ST18: variants seen among roughly 807,000 people sequenced by gnomAD.
The protein encoded by ST18 is suppression of tumorigenicity 18 protein.
ST18 carries 50 observed loss-of-function variants against 110.0 expected under a neutral mutation model. The ratio of observed to expected loss-of-function variants is 0.45; its 90% CI spans 0.36 to 0.58. ST18 has a LOEUF of 0.58. ST18 is among the 20% of genes least tolerant of loss of function. ST18 has a pLI of 0.00. For missense variants in ST18, 1,306 were observed against 1,280.1 expected, an observed-to-expected ratio of 1.02 and a Z score of -0.31; for synonymous variants, 461 against 452.4, an observed-to-expected ratio of 1.02 and a Z score of -0.24.
chr8:52,393,381 A>G lies in ST18; in HGVS notation c.-465+15947T>C, dbSNP rs534475892. ...TAACGCATGTGCAGCCAGCATCACC[A>G]TATAGACTCAGTCCTGAACTAGTGT... On this transcript the variant is annotated intron_variant, in intron 2 of 25. Transcript: ENST00000689386. Among the ~76,000 whole-genome samples the G allele has an allele frequency of 7.9e-5, 12 of 152,278 alleles. No individual in the cohort carries two copies. The South Asian group carries it at 2.5e-3, about 32-fold the overall frequency.
At chr8:52,345,417 GA>G (rs1443482621) in intron 2 of ST18, among the ~76,000 whole-genome samples, 4 of 152,234 alleles carry the variant, frequency 2.6e-5, no homozygotes, top group African/African-American at 9.6e-5. Context: ...TCAAGAAAAT[GA>G]AAAGCAGATG....
chr8:52,329,283 TAA>T (rs368634304), intron 2 of ST18, among the ~76,000 whole-genome samples: 57 of 128,752 alleles, frequency 4.4e-4, no homozygotes, highest in Non-Finnish European at 4.4e-4. Context: ...GGAGAAATGG[TAA>T]AAAAAAAAAA....
chr8:52,270,011 C>CT (rs1194061342), intron 2 of ST18, among the ~76,000 whole-genome samples: 1 of 150,054 alleles, frequency 6.7e-6, no homozygotes, highest in African/African-American at 2.5e-5. Flanking sequence ...ATTTTTTCCC[C>CT]CGTAACTGAT....
chr8:52,315,060 C>A (rs1166940314), intron 2 of ST18, among the ~76,000 whole-genome samples: 1 of 152,208 alleles, frequency 6.6e-6, no homozygotes, highest in Non-Finnish European at 1.5e-5. Flanking sequence ...CTTGAAGAGA[C>A]ATCAGATTTC....
chr8:52,180,059 T>A, intron 9 of ST18, 63 bp downstream of exon 9: 1 of 1,525,520 alleles, frequency 6.6e-7, no homozygotes, highest in Non-Finnish European at 9.0e-7. Context: ...ACACTCTACA[T>A]GAATTAGCAC....
intron 2 of ST18, among the ~76,000 whole-genome samples, chr8:52,354,329 C>T (rs952831593): frequency 6.6e-6 from 1 of 152,242 alleles, no homozygotes; most frequent in African/African-American, 2.4e-5. Flanking sequence ...ATGGTTGCCT[C>T]GACCGAGTAA....
At chr8:52,165,046 A>G in intron 12 of ST18, 89 bp downstream of exon 12, 1 of 1,283,294 alleles carries the variant, frequency 7.8e-7, no homozygotes, top group Admixed American at 1.7e-5. Flanking sequence ...AGCAATTTTC[A>G]TCACACATTG....
chr8:52,272,962 A>G (rs1293962985), intron 2 of ST18, among the ~76,000 whole-genome samples: 4 of 152,208 alleles, frequency 2.6e-5, no homozygotes, highest in African/African-American at 9.6e-5. Context: ...AAGCAAAATG[A>G]AATAAGCTCT....
chr8:52,358,460 C>T (rs974663370), intron 2 of ST18, among the ~76,000 whole-genome samples: 3 of 151,588 alleles, frequency 2.0e-5, no homozygotes, highest in African/African-American at 7.3e-5. Flanking sequence ...GCTAGATTGA[C>T]AAATAAGAAA....
intron 2 of ST18, among the ~76,000 whole-genome samples, chr8:52,327,094 C>A (rs1323713382): frequency 3.9e-5 from 6 of 152,206 alleles, no homozygotes; most frequent in South Asian, 4.1e-4. Context: ...AAATCACTCA[C>A]AACCAATAAA....
At chr8:52,149,464 A>C (rs1264625491) in intron 16 of ST18, among the ~76,000 whole-genome samples, 2 of 152,256 alleles carry the variant, frequency 1.3e-5, no homozygotes, top group Non-Finnish European at 2.9e-5. Flanking sequence ...TAGATAATAT[A>C]ATCTCTTGTG....
intron 2 of ST18, among the ~76,000 whole-genome samples, chr8:52,247,484 C>T (rs2093955247): frequency 6.6e-6 from 1 of 152,146 alleles, no homozygotes; most frequent in Non-Finnish European, 1.5e-5. Context: ...GAACTTCAGT[C>T]AAGTTTGCAC....
chr8:52,134,723 T>C (rs2051262768), intron 19 of ST18, among the ~76,000 whole-genome samples: 1 of 152,212 alleles, frequency 6.6e-6, no homozygotes, highest in South Asian at 2.1e-4. Context: ...GTATCTTCCA[T>C]TATAAGAAAG....
chr8:52,370,897 T>C (rs1830033659), intron 2 of ST18, among the ~76,000 whole-genome samples: 1 of 152,244 alleles, frequency 6.6e-6, no homozygotes, highest in African/African-American at 2.4e-5. Context: ...TGATCCAGTC[T>C]ATGTAAAAGG....
intron 2 of ST18, among the ~76,000 whole-genome samples, chr8:52,368,649 G>T (rs1382637475): frequency 1.3e-5 from 2 of 152,126 alleles, no homozygotes; most frequent in Non-Finnish European, 2.9e-5. Context: ...CCAGGTTTCC[G>T]CATGTGGCGG....
At chr8:52,393,866 G>A (rs1840166148) in intron 2 of ST18, 2 of 135,042 alleles carry the variant, frequency 1.5e-5, no homozygotes, top group South Asian at 2.3e-4. Flanking sequence ...TGGGCGACAA[G>A]AGCGGAACTC....
At chr8:52,360,362 A>G (rs1825178507) in intron 2 of ST18, among the ~76,000 whole-genome samples, 1 of 152,144 alleles carries the variant, frequency 6.6e-6, no homozygotes, top group Non-Finnish European at 1.5e-5. Flanking sequence ...TATTTAGGTC[A>G]CATAATTAAA....
At chr8:52,166,411 A>G (rs2063002473) in intron 11 of ST18, among the ~76,000 whole-genome samples, 1 of 152,186 alleles carries the variant, frequency 6.6e-6, no homozygotes. Context: ...CTCCAGAGGC[A>G]GGTACCAGAC....
intron 8 of ST18, among the ~76,000 whole-genome samples, chr8:52,194,134 T>C (rs917436461): frequency 6.6e-6 from 1 of 152,312 alleles, no homozygotes; most frequent in South Asian, 2.1e-4. Flanking sequence ...TTGCATATCG[T>C]CTACCACAGA....
Sources: allele counts gnomAD v4.1 joint callset (sites outside exome capture counted in the v4.1 genomes callset), GRCh38; gene constraint gnomAD v4.1.1; transcripts MANE v1.5; gene names NCBI Gene and HGNC (gene_info 2026-07-23, HGNC 2026-07-21).